Variants in KIF16B observed in about 807,000 individuals in gnomAD.
The protein encoded by KIF16B is kinesin family member 16B.
Under a neutral mutation model 156.3 loss-of-function variants are expected in KIF16B, and 98 were observed. The ratio of observed to expected loss-of-function variants is 0.63; its 90% CI spans 0.53 to 0.74. The LOEUF (loss-of-function observed/expected upper bound fraction) is 0.74, where lower values mean the gene tolerates loss of function less well. KIF16B is among the 30% of genes least tolerant of loss of function. The probability of loss-of-function intolerance (pLI) is 0.00; values close to 1 mark genes in which losing one functional copy is unlikely to be tolerated. For missense variants in KIF16B, 1,421 were observed against 1,606.5 expected (o/e 0.88, Z 1.97); for synonymous variants, 564 against 583.7 (o/e 0.97, Z 0.49).
chr20:16,489,729 G>T (rs933488975), intron 12 of KIF16B, among the ~76,000 whole-genome samples: 43 of 148,504 alleles, frequency 2.9e-4, no homozygotes, highest in Non-Finnish European at 4.3e-4. Flanking sequence ...ACTCAAACTT[G>T]AAGGTACAGA....
intron 17 of KIF16B, among the ~76,000 whole-genome samples, chr20:16,385,197 CAAA>C (rs530915390): frequency 8.0e-6 from 1 of 125,218 alleles, no homozygotes; most frequent in Non-Finnish European, 1.7e-5. Context: ...AACTCTGTCT[CAAA>C]AAAAAAAAAA....
chr20:16,313,686 G>A (rs143306897), intron 24 of KIF16B, among the ~76,000 whole-genome samples: 1 of 152,304 alleles, frequency 6.6e-6, no homozygotes, highest in Non-Finnish European at 1.5e-5. Flanking sequence ...ATGTCATACA[G>A]TATGAACTCT....
chr20:16,569,662 T>C (rs892895019), intron 1 of KIF16B, among the ~76,000 whole-genome samples: 3 of 152,214 alleles, frequency 2.0e-5, no homozygotes, highest in African/African-American at 7.2e-5. Context: ...GCTTTCCCTT[T>C]GCCTGAGGCT....
At chr20:16,561,155 G>T (rs535404672) in intron 1 of KIF16B, among the ~76,000 whole-genome samples, 1 of 152,010 alleles carries the variant, frequency 6.6e-6, no homozygotes. Context: ...TTAGCTGGGC[G>T]TGGTGGCGGG....
rs1264861089 is a variant in KIF16B, at chr20:16,445,429, T to TGTGTGTGC, written c.1303-15448_1303-15447insGCACACAC. Among the ~76,000 whole-genome samples, 6 of 151,474 alleles carry TGTGTGTGC rather than the reference T, an allele frequency of 4.0e-5. No homozygotes were observed. In the East Asian group the frequency reaches 1.2e-3, roughly 29 times the overall value. On this transcript the variant is annotated intron_variant, in intron 12 of 25. Transcript: ENST00000354981. Reference sequence around the variant, plus strand: ...TCAGACATGTATATACGTGTGTGTGTGTGTGTGTGTGTGTGTTTTAATCTA... The same window carrying TGTGTGTGC: ...TCAGACATGTATATACGTGTGTGTGTGTGTGTGCGTGTGTGTGTGTGTGTTTTAATCTA...
rs116597224 is a variant in KIF16B at position 16,407,970 on chromosome 20, T to C, written c.1613-1514A>G. 3.8e-3 allele frequency among the ~76,000 whole-genome samples: 574 copies of C among 152,286 alleles called. 3 individuals are homozygous for C. The highest frequency in any genetic ancestry group is 0.013 in the African/African-American group (541 of 41,570). ...CACTTAGCAAAAATCCCTGGGCTGC[T>C]GAGAGTTGCCTCCTTTGCACAGGTG... On this transcript the variant is annotated intron_variant, in intron 15 of 25. Coordinates refer to ENST00000354981, the MANE Select transcript of KIF16B (RefSeq NM_024704.5).
chr20:16,429,850 A>T lies in KIF16B; in HGVS notation c.1422+13T>A. 1 of 1,598,762 alleles carries T rather than the reference A, an allele frequency of 6.3e-7. No individual in the cohort carries two copies. The highest frequency in any genetic ancestry group is 1.3e-5 in the African/African-American group (1 of 74,380). ...GAAACAAAATTAGAATGTTCCACTT[A>T]ATCAGTTTCTACCTTTAAATGATAT... is the stretch of plus-strand genomic sequence containing the variant. On this transcript the variant is annotated intron_variant, in intron 13 of 25. Transcript: ENST00000354981.
intron 15 of KIF16B, among the ~76,000 whole-genome samples, chr20:16,416,767 C>G (rs2066100331): frequency 2.0e-5 from 3 of 151,304 alleles, no homozygotes; most frequent in Admixed American, 2.0e-4. Context: ...TGAAGAAAAC[C>G]AAGATTGGAA....
rs965421937 is a variant in KIF16B, at chr20:16,568,247, G to C, written c.47+4982C>G. Among the ~76,000 whole-genome samples, 5 of 151,424 alleles carry C rather than the reference G, an allele frequency of 3.3e-5. No homozygotes were observed. In the East Asian group the frequency reaches 7.7e-4, roughly 23 times the overall value. ...TAATCAGGAAGAAAGGCTAGGAACA[G>C]TCAGAAAAGAGAAAGAATGGGGTGG... On this transcript the variant is annotated intron_variant, in intron 1 of 25. Transcript: ENST00000354981.
intron 24 of KIF16B, among the ~76,000 whole-genome samples, chr20:16,332,962 C>G (rs1199408225): frequency 6.6e-6 from 1 of 152,134 alleles, no homozygotes; most frequent in Non-Finnish European, 1.5e-5. Flanking sequence ...ACCATCCATA[C>G]TCGGTATGGC....
chr20:16,456,541 C>T (rs1385414451), intron 12 of KIF16B, among the ~76,000 whole-genome samples: 1 of 152,088 alleles, frequency 6.6e-6, no homozygotes, highest in African/African-American at 2.4e-5. Flanking sequence ...AGGTGGGACC[C>T]TCTGAGCCCC....
At chr20:16,492,691 CA>C (rs1262067141) in intron 12 of KIF16B, among the ~76,000 whole-genome samples, 3 of 152,162 alleles carry the variant, frequency 2.0e-5, no homozygotes, top group Non-Finnish European at 4.4e-5. Context: ...ACTACATTGA[CA>C]TGGAGGGACG....
chr20:16,325,205 GA>G (rs1455242364), intron 24 of KIF16B, among the ~76,000 whole-genome samples: 2 of 151,968 alleles, frequency 1.3e-5, no homozygotes, highest in Admixed American at 6.6e-5. Context: ...ATACTGAACA[GA>G]GAAAAGGTGA....
chr20:16,467,729 AC>A (rs1168494643), intron 12 of KIF16B, among the ~76,000 whole-genome samples: 4 of 151,574 alleles, frequency 2.6e-5, no homozygotes, highest in Admixed American at 1.3e-4. Flanking sequence ...GAAAAAAAAA[AC>A]CCGGCCAACC....
At position 16,515,546 on chromosome 20, in the gene KIF16B, A is replaced by T; in HGVS notation, c.348+2T>A. On this transcript the variant is annotated splice_donor_variant, in intron 4 of 25. Transcript: ENST00000354981. LOFTEE classifies it high-confidence loss of function. ...CCTTCCCACACAGTATAAACAACGT[A>T]CAGAATTTCCCATCATAGTGTATGA... The T allele has an allele frequency of 1.3e-6, 2 of 1,490,704 alleles. No homozygotes were observed. The highest frequency in any genetic ancestry group is 1.9e-6 in the Non-Finnish European group (2 of 1,067,770). 92.3% of individuals were successfully genotyped at this position (1,490,704 alleles called of 1,614,324 possible).
chr20:16,400,741 T>C (rs1314433263), intron 17 of KIF16B, among the ~76,000 whole-genome samples: 1 of 152,222 alleles, frequency 6.6e-6, no homozygotes. Flanking sequence ...AAAGACATTA[T>C]GCTAAGTGAA....
chr20:16,338,668 C>CT (rs2064084798), intron 23 of KIF16B, among the ~76,000 whole-genome samples: 1 of 152,200 alleles, frequency 6.6e-6, no homozygotes, highest in Non-Finnish European at 1.5e-5. Flanking sequence ...TTAAAACCAA[C>CT]TGTCTGCTCA....
At chr20:16,522,093 C>A (rs1472505017) in intron 3 of KIF16B, among the ~76,000 whole-genome samples, 1 of 152,120 alleles carries the variant, frequency 6.6e-6, no homozygotes, top group Non-Finnish European at 1.5e-5. Flanking sequence ...ACCATCGACA[C>A]CATGAAGAAA....
intron 1 of KIF16B, among the ~76,000 whole-genome samples, chr20:16,571,669 A>C: frequency 6.7e-6 from 1 of 149,130 alleles, no homozygotes; most frequent in African/African-American, 2.5e-5. Flanking sequence ...TCGCTCTGTC[A>C]CTGATGCTGG....
Sources: allele counts gnomAD v4.1 joint callset (sites outside exome capture counted in the v4.1 genomes callset), GRCh38; gene constraint gnomAD v4.1.1; transcripts MANE v1.5; gene names NCBI Gene and HGNC (gene_info 2026-07-23, HGNC 2026-07-21).